Variants in SLC5A1 observed in about 807,000 individuals in gnomAD.
SLC5A1 encodes the protein solute carrier family 5 member 1.
In SLC5A1, 42 loss-of-function variants were observed where a neutral mutation model predicts 73.5. The observed-to-expected ratio is 0.57, with a 90% CI of 0.45 to 0.74. The LOEUF is 0.74. Ranked by LOEUF, SLC5A1 falls within the 30% of genes least tolerant of loss-of-function variation. The pLI is 0.00. For missense variants in SLC5A1, 634 were observed against 855.4 expected (o/e 0.74, Z 3.23); for synonymous variants, 300 against 317.4 (o/e 0.95, Z 0.58).
chr22:32,064,496 AG>A (rs1341395044), intron 2 of SLC5A1, among the ~76,000 whole-genome samples: 2 of 148,760 alleles, frequency 1.3e-5, no homozygotes, highest in Middle Eastern at 3.2e-3. Context: ...ACCCTGTCTT[AG>A]GAAAAAAAAA....
At chr22:32,098,750 T>C (rs1212078179) in intron 11 of SLC5A1, among the ~76,000 whole-genome samples, 3 of 152,158 alleles carry the variant, frequency 2.0e-5, no homozygotes, top group African/African-American at 4.8e-5. Context: ...GTGGTGGTAG[T>C]GTGTATATGT....
intron 5 of SLC5A1, among the ~76,000 whole-genome samples, chr22:32,072,884 G>A (rs1305276028): frequency 1.3e-5 from 2 of 152,146 alleles, no homozygotes; most frequent in African/African-American, 4.8e-5. Flanking sequence ...ATTGGGTTAT[G>A]TGTCTATTTC....
At chr22:32,056,845 T>C (rs1055351846) in intron 2 of SLC5A1, among the ~76,000 whole-genome samples, 1 of 152,234 alleles carries the variant, frequency 6.6e-6, no homozygotes, top group African/African-American at 2.4e-5. Context: ...GAGAAAACGA[T>C]GACTCTGTTT....
At position 32,112,832 on chromosome 22, in the gene SLC5A1, T is replaced by G. The variant is rs896364804; in HGVS notation, c.*2619T>G. On this transcript the variant is annotated 3_prime_UTR_variant, in exon 15 of 15. Coordinates refer to ENST00000266088, the MANE Select transcript of SLC5A1 (RefSeq NM_000343.4). Reference sequence around the variant, plus strand: ...TGTACAATGTATCAATTATAGTTAATAGCAATATAACATATACTTGAAAAT... The same window carrying G: ...TGTACAATGTATCAATTATAGTTAAGAGCAATATAACATATACTTGAAAAT... 19 of 152,176 alleles carry G rather than the reference T, an allele frequency of 1.2e-4. No homozygotes were observed. Among genetic ancestry groups the G allele is most frequent in the Admixed American group, 7.2e-4 (11 of 15,274 alleles). 9.4% of individuals were successfully genotyped at this position (152,176 alleles called of 1,614,324 possible). A position where few individuals can be genotyped will look rare whatever the true frequency, so the allele number is the denominator to read the frequency against.
At chr22:32,076,115 G>T (rs2093990525) in intron 5 of SLC5A1, among the ~76,000 whole-genome samples, 1 of 152,204 alleles carries the variant, frequency 6.6e-6, no homozygotes, top group Non-Finnish European at 1.5e-5. Context: ...CTGCCACGAA[G>T]GCTTGGGGAG....
chr22:32,043,326 G>T lies in SLC5A1; in HGVS notation c.45G>T (p.Arg15=). The T allele has an allele frequency of 1.2e-6, 2 of 1,614,174 alleles. No homozygotes were observed. The highest frequency in any genetic ancestry group is 1.7e-6 in the Non-Finnish European group (2 of 1,180,034). ...TWSPKTTAVT[R]PVETHELIRN... ...GCCCCAAGACCACCGCGGTCACCCG[G>T]CCTGTTGAGACCCACGAGCTCATTC... The change falls in exon 1 of 15, where the codon CGG becomes CGT. Residue 15 remains arginine (R), a synonymous_variant. Transcript: ENST00000266088. The surrounding 1 kb of genome is among the most constrained non-coding windows in gnomAD (Gnocchi z 6.5).
intron 5 of SLC5A1, among the ~76,000 whole-genome samples, chr22:32,073,302 T>C (rs888153246): frequency 6.6e-6 from 1 of 152,180 alleles, no homozygotes; most frequent in Non-Finnish European, 1.5e-5. Context: ...GAAGAAATGA[T>C]TGTTTTCCCA....
At chr22:32,102,915 T>A (rs1371285080) in intron 13 of SLC5A1, among the ~76,000 whole-genome samples, 1 of 152,232 alleles carries the variant, frequency 6.6e-6, no homozygotes, top group Non-Finnish European at 1.5e-5. Flanking sequence ...ATTCTTTTTA[T>A]GGTGGAATAA....
chr22:32,049,175 ATC>A (rs2093941670), intron 1 of SLC5A1, among the ~76,000 whole-genome samples: 2 of 7,068 alleles, frequency 2.8e-4, no homozygotes, highest in Admixed American at 3.5e-3. Flanking sequence ...CTATATCTAT[ATC>A]TATATCTATA....
intron 6 of SLC5A1, 64 bp downstream of exon 6, chr22:32,082,035 A>AT (rs1163126863): frequency 9.9e-7 from 1 of 1,013,906 alleles, no homozygotes; most frequent in African/African-American, 1.6e-5. Flanking sequence ...AGTGAAGGAT[A>AT]AAGGGAAGTA....
intron 5 of SLC5A1, among the ~76,000 whole-genome samples, chr22:32,080,890 A>G (rs2093998740): frequency 1.3e-5 from 2 of 152,108 alleles, no homozygotes; most frequent in South Asian, 4.1e-4. Context: ...GCTACTCAGG[A>G]GGCTGAGGCA....
chr22:32,086,433 C>T, intron 10 of SLC5A1, 106 bp downstream of exon 10: 1 of 813,296 alleles, frequency 1.2e-6, no homozygotes, highest in Non-Finnish European at 2.1e-6. Context: ...CATTTCTTAG[C>T]CGGGGGGTTA....
At chr22:32,087,562 C>A (rs774304629) in intron 10 of SLC5A1, among the ~76,000 whole-genome samples, 1 of 152,070 alleles carries the variant, frequency 6.6e-6, no homozygotes, top group Non-Finnish European at 1.5e-5. Flanking sequence ...GCATTCAAGG[C>A]GGCTTGTCAC....
chr22:32,050,489 G>A (rs1488622941), intron 2 of SLC5A1, among the ~76,000 whole-genome samples: 1 of 152,138 alleles, frequency 6.6e-6, no homozygotes, highest in East Asian at 1.9e-4. Flanking sequence ...AGACAGAGAG[G>A]GTTTGGGTTG....
At chr22:32,064,695 G>C (rs1359126331) in intron 2 of SLC5A1, among the ~76,000 whole-genome samples, 1 of 152,178 alleles carries the variant, frequency 6.6e-6, no homozygotes, top group Non-Finnish European at 1.5e-5. Flanking sequence ...AACAGAGCCT[G>C]CCAACTTTGT....
intron 12 of SLC5A1, among the ~76,000 whole-genome samples, chr22:32,100,062 A>G (rs1014537799): frequency 3.3e-5 from 5 of 152,232 alleles, no homozygotes; most frequent in African/African-American, 1.2e-4. Flanking sequence ...GAGGGAAGAC[A>G]TGGCATTCAA....
chr22:32,082,005 C>T (rs202168084), intron 6 of SLC5A1, 34 bp downstream of exon 6: 2 of 1,362,794 alleles, frequency 1.5e-6, no homozygotes, highest in Non-Finnish European at 2.1e-6. Context: ...CACCTCAAAC[C>T]CAGCTCGGGA....
intron 2 of SLC5A1, among the ~76,000 whole-genome samples, chr22:32,052,266 C>T (rs1366608301): frequency 6.6e-6 from 1 of 152,126 alleles, no homozygotes; most frequent in Non-Finnish European, 1.5e-5. Flanking sequence ...TCATTTGGGG[C>T]CGACCAGAGA....
chr22:32,088,280 T>G (rs1431122924), intron 10 of SLC5A1, among the ~76,000 whole-genome samples: 1 of 151,626 alleles, frequency 6.6e-6, no homozygotes, highest in African/African-American at 2.4e-5. Context: ...TGCTTCCCTG[T>G]GCCATTGCTA....
Sources: gnomAD v4.1 joint callset for allele counts (sites outside exome capture counted in the v4.1 genomes callset) on GRCh38, gnomAD v4.1.1 for gene constraint, Gnocchi (gnomAD v3.1) non-coding constraint, MANE v1.5 for transcripts, NCBI Gene and HGNC (gene_info 2026-07-23, HGNC 2026-07-21) for gene names.